The following AUTS2 variants were observed in gnomAD, a reference collection of about 807,000 sequenced individuals.
AUTS2 encodes the protein autism susceptibility gene 2 protein.
Under a neutral mutation model 112.4 loss-of-function variants are expected in AUTS2, and 17 were observed. That is an observed-to-expected ratio of 0.15 (90% CI 0.10 to 0.23). The LOEUF is 0.23. Among genes scored for constraint, AUTS2 ranks in the 10% least tolerant of loss-of-function variants. The pLI, the probability that AUTS2 is intolerant of heterozygous loss-of-function variation, is 1.00. For synonymous variants in AUTS2, 751 were observed against 702.7 expected (o/e 1.07, Z -1.09); for missense variants, 1,510 against 1,701.6 (o/e 0.89, Z 1.98).
chr7:70,768,759 G>A (rs920741205), intron 10 of AUTS2, among the ~76,000 whole-genome samples: 39 of 151,826 alleles, frequency 2.6e-4, no homozygotes, highest in Admixed American at 2.4e-3. Context: ...CAGTTAACTT[G>A]TAAGACAAGA....
chr7:70,438,493 C>T (rs535407644), intron 5 of AUTS2, among the ~76,000 whole-genome samples: 1 of 152,280 alleles, frequency 6.6e-6, no homozygotes, highest in South Asian at 2.1e-4. Flanking sequence ...CATCATCTGC[C>T]TCTGTTCTGC....
chr7:69,987,529 G>C (rs1449148404), intron 2 of AUTS2, among the ~76,000 whole-genome samples: 1 of 152,158 alleles, frequency 6.6e-6, no homozygotes, highest in Non-Finnish European at 1.5e-5. Context: ...GAGCAGTGGT[G>C]TCATCATAGC....
chr7:70,781,364 C>CAAAA (rs756708435), intron 14 of AUTS2: 198 of 123,188 alleles, frequency 1.6e-3, no homozygotes, highest in South Asian at 4.7e-3. Flanking sequence ...GACTCCGTCA[C>CAAAA]AAAAAAAAAA....
chr7:70,315,317 A>T (rs754986437), intron 4 of AUTS2, among the ~76,000 whole-genome samples: 1 of 152,214 alleles, frequency 6.6e-6, no homozygotes, highest in Non-Finnish European at 1.5e-5. Flanking sequence ...CAGCATGGAT[A>T]TGAGGAACAG....
intron 1 of AUTS2, among the ~76,000 whole-genome samples, chr7:69,734,249 C>T (rs964331348): frequency 4.0e-5 from 6 of 151,882 alleles, no homozygotes; most frequent in African/African-American, 1.5e-4. Flanking sequence ...CCATTTTCAG[C>T]TTAAAACGAA....
At chr7:70,377,372 A>ATATATATATATATATATATATATG (rs1409919061) in intron 4 of AUTS2, among the ~76,000 whole-genome samples, 1 of 115,196 alleles carries the variant, frequency 8.7e-6, no homozygotes, top group East Asian at 2.6e-4. Context: ...ATATATATAT[A>ATATATATATATATATATATATATG]TAGTGATATA....
chr7:70,373,901 T>C (rs1792962387), intron 4 of AUTS2, among the ~76,000 whole-genome samples: 1 of 152,204 alleles, frequency 6.6e-6, no homozygotes, highest in South Asian at 2.1e-4. Context: ...CATCTTTTTT[T>C]TTTCACTAAA....
chr7:70,074,769 A>G (rs1802949115), intron 2 of AUTS2, among the ~76,000 whole-genome samples: 1 of 152,146 alleles, frequency 6.6e-6, no homozygotes, highest in Non-Finnish European at 1.5e-5. Flanking sequence ...GTAAATCAAG[A>G]CCTTTTGCTG....
chr7:69,713,943 C>G (rs547134442), intron 1 of AUTS2, among the ~76,000 whole-genome samples: 1 of 152,052 alleles, frequency 6.6e-6, no homozygotes, highest in Non-Finnish European at 1.5e-5. Context: ...TGCTTTTGGT[C>G]TCATAACTAA....
chr7:70,178,532 G>A (rs1809118910), intron 4 of AUTS2, among the ~76,000 whole-genome samples: 1 of 152,160 alleles, frequency 6.6e-6, no homozygotes, highest in Admixed American at 6.5e-5. Context: ...AGGCACAGTG[G>A]CTCATGCCTG....
chr7:70,379,344 A>G (rs1348356838), intron 4 of AUTS2, among the ~76,000 whole-genome samples: 1 of 152,002 alleles, frequency 6.6e-6, no homozygotes, highest in Admixed American at 6.5e-5. Context: ...CTATTAAAAG[A>G]CACAAAAATT....
intron 1 of AUTS2, among the ~76,000 whole-genome samples, chr7:69,689,245 C>T (rs2129176429): frequency 6.6e-6 from 1 of 152,048 alleles, no homozygotes; most frequent in East Asian, 1.9e-4. Context: ...AAATCACTTC[C>T]TCAGAGAGGC....
At chr7:69,747,053 G>C (rs1185867197) in intron 1 of AUTS2, among the ~76,000 whole-genome samples, 2 of 152,210 alleles carry the variant, frequency 1.3e-5, no homozygotes, top group Non-Finnish European at 2.9e-5. Flanking sequence ...CTTGGGCCTA[G>C]CATCTGTGTT....
intron 4 of AUTS2, among the ~76,000 whole-genome samples, chr7:70,304,173 C>T (rs1789378470): frequency 6.6e-6 from 1 of 152,190 alleles, no homozygotes; most frequent in Non-Finnish European, 1.5e-5. Flanking sequence ...TTCTACTCAG[C>T]ATTATCCCAG....
intron 4 of AUTS2, among the ~76,000 whole-genome samples, chr7:70,389,341 A>G (rs1300103120): frequency 6.6e-6 from 1 of 152,178 alleles, no homozygotes; most frequent in Non-Finnish European, 1.5e-5. Flanking sequence ...TGCCAGCCCA[A>G]TGGGGAAAAA....
intron 4 of AUTS2, among the ~76,000 whole-genome samples, chr7:70,351,891 AG>A (rs1444788416): frequency 2.6e-5 from 4 of 151,486 alleles, no homozygotes; most frequent in African/African-American, 9.7e-5. Context: ...TAGTAGAGAC[AG>A]TGGTTTCACC....
intron 1 of AUTS2, among the ~76,000 whole-genome samples, chr7:69,832,910 G>A (rs1562915094): frequency 6.6e-6 from 1 of 152,144 alleles, no homozygotes; most frequent in African/African-American, 2.4e-5. Context: ...CTTGGTAACA[G>A]AAAATACTAA....
At chr7:69,694,699 G>C (rs1797481436) in intron 1 of AUTS2, among the ~76,000 whole-genome samples, 1 of 152,170 alleles carries the variant, frequency 6.6e-6, no homozygotes. Context: ...GTATTTGGGT[G>C]CTTAGTGGAC....
intron 4 of AUTS2, among the ~76,000 whole-genome samples, chr7:70,316,643 C>A (rs1428085032): frequency 1.3e-5 from 2 of 152,110 alleles, no homozygotes; most frequent in African/African-American, 4.8e-5. Context: ...AAGTGATCCA[C>A]CCACCTTGGC....
Sources: allele counts gnomAD v4.1 joint callset (sites outside exome capture counted in the v4.1 genomes callset), GRCh38; gene constraint gnomAD v4.1.1; transcripts MANE v1.5; gene names NCBI Gene and HGNC (gene_info 2026-07-23, HGNC 2026-07-21).